Variants in GUCA1C observed in about 807,000 individuals in gnomAD.
GUCA1C encodes the protein guanylate cyclase activator 1C, also known as guanylyl cyclase-activating protein 3.
A neutral mutation model predicts 16.2 loss-of-function variants in GUCA1C; 15 were observed. The ratio of observed to expected loss-of-function variants is 0.93; its 90% confidence interval spans 0.62 to 1.43. The LOEUF (loss-of-function observed/expected upper bound fraction) is 1.43. Among genes scored for constraint, GUCA1C ranks in the 40% most tolerant of loss-of-function variants. The pLI is 0.00. For missense variants in GUCA1C, 275 were observed against 244.8 expected (o/e 1.12, Z -0.82); for synonymous variants, 78 against 85.4 (o/e 0.91, Z 0.48).
intron 2 of GUCA1C, among the ~76,000 whole-genome samples, chr3:108,918,608 T>C (rs1339925954): frequency 6.6e-6 from 1 of 152,168 alleles, no homozygotes; most frequent in Non-Finnish European, 1.5e-5. Flanking sequence ...TTAAAAACCT[T>C]TCTCTTGACT....
intron 1 of GUCA1C, among the ~76,000 whole-genome samples, chr3:108,946,665 T>C (rs1054764035): frequency 6.6e-6 from 1 of 152,118 alleles, no homozygotes; most frequent in Non-Finnish European, 1.5e-5. Context: ...ATAGGTAATA[T>C]GAAGAATCAA....
chr3:108,931,839 C>T (rs1388326268), intron 1 of GUCA1C, among the ~76,000 whole-genome samples: 1 of 149,184 alleles, frequency 6.7e-6, no homozygotes, highest in Non-Finnish European at 1.5e-5. Flanking sequence ...TGGGGTGATC[C>T]AAGGGAACAG....
At chr3:108,952,636 G>GT (rs34262311) in intron 1 of GUCA1C, among the ~76,000 whole-genome samples, 4,862 of 148,880 alleles carry the variant, frequency 0.033, 110 homozygotes, top group Middle Eastern at 0.11. Flanking sequence ...CAAACAACCA[G>GT]TTTTTTTTTT....
At chr3:108,916,317 T>C (rs981633919) in intron 2 of GUCA1C, 103 bp from the exon 3 acceptor site, 28 of 1,050,194 alleles carry the variant, frequency 2.7e-5, no homozygotes, top group Non-Finnish European at 3.4e-5. Context: ...GTGTTGTCGG[T>C]TGCTATCCAA....
chr3:108,940,181 T>C (rs1467687445), intron 1 of GUCA1C, among the ~76,000 whole-genome samples: 1 of 152,254 alleles, frequency 6.6e-6, no homozygotes, highest in Non-Finnish European at 1.5e-5. Flanking sequence ...CTAGTAGCTC[T>C]GAACCCTTAA....
intron 1 of GUCA1C, among the ~76,000 whole-genome samples, chr3:108,930,093 C>T (rs189481272): frequency 2.6e-5 from 4 of 152,274 alleles, no homozygotes; most frequent in Admixed American, 1.3e-4. Context: ...CGTAAATGTT[C>T]AACTGTTTTA....
rs1213562312 is a variant in GUCA1C at position 108,920,434 on chromosome 3, A to G, written c.354+2T>C. On this transcript the variant is annotated splice_donor_variant, in intron 2 of 3. Transcript: ENST00000261047. LOFTEE classifies it high-confidence loss of function. Reference sequence around the variant, plus strand: ...AAAAGGATACTTTACTACTTCACTTACCATGAACATGTCCAGTAGTTCATT... The same window carrying G: ...AAAAGGATACTTTACTACTTCACTTGCCATGAACATGTCCAGTAGTTCATT... 1.2e-6 allele frequency: 2 copies of G among 1,605,866 alleles called. No homozygotes were observed. Among genetic ancestry groups the G allele is most frequent in the South Asian group, 1.1e-5 (1 of 90,736 alleles).
intron 1 of GUCA1C, among the ~76,000 whole-genome samples, chr3:108,942,335 CCTAA>C (rs1404147792): frequency 3.3e-5 from 5 of 152,306 alleles, no homozygotes; most frequent in South Asian, 2.1e-4. Flanking sequence ...GAAAGCCTTT[CCTAA>C]CTAAGTCCAT....
intron 1 of GUCA1C, among the ~76,000 whole-genome samples, chr3:108,940,882 T>A (rs915501053): frequency 1.3e-5 from 2 of 152,212 alleles, no homozygotes; most frequent in Admixed American, 1.3e-4. Flanking sequence ...GTCCCAGTTT[T>A]GGAAATGAAC....
upstream of GUCA1C, chr3:108,953,988 C>T (rs1946925929): frequency 3.7e-6 from 2 of 534,116 alleles, no homozygotes; most frequent in Non-Finnish European, 6.7e-6. Context: ...AACATGCTTA[C>T]AGTCATGCAG....
intron 1 of GUCA1C, among the ~76,000 whole-genome samples, chr3:108,932,924 CAAAAAAAAAA>C (rs57918246): frequency 1.2e-4 from 8 of 68,668 alleles, no homozygotes; most frequent in Non-Finnish European, 2.5e-4. Flanking sequence ...AAAAAAATCT[CAAAAAAAAAA>C]AAAAAAAAAG....
rs1457817424 is a variant in GUCA1C at position 108,953,657 on chromosome 3, T to C, written c.106A>G (p.Thr36Ala). 1.9e-6 allele frequency: 3 copies of C among 1,612,858 alleles called. No homozygotes were observed. Among genetic ancestry groups the C allele is most frequent in the Admixed American group, 3.3e-5 (2 of 60,020 alleles). Reference protein sequence around the residue: ...FMMEYPSGLQTLHEFKTLLGL... With the variant: ...FMMEYPSGLQALHEFKTLLGL... ...AAAAGTGTCTTAAATTCATGTAGTG[T>C]TTGCAGGCCGGATGGATATTCCATC... The change falls in exon 1 of 4, where the codon ACA becomes GCA. Residue 36 changes from threonine to alanine, a missense_variant. Coordinates refer to ENST00000261047, the MANE Select transcript of GUCA1C (RefSeq NM_005459.4).
chr3:108,916,972 C>G (rs891745049), intron 2 of GUCA1C, among the ~76,000 whole-genome samples: 3 of 152,182 alleles, frequency 2.0e-5, no homozygotes, highest in Admixed American at 6.5e-5. Context: ...TTAGAGGACA[C>G]AATCATAAAT....
chr3:108,913,598 A>G (rs1182524585), intron 3 of GUCA1C, among the ~76,000 whole-genome samples: 1 of 152,102 alleles, frequency 6.6e-6, no homozygotes, highest in Admixed American at 6.6e-5. Context: ...TTCTTGATGT[A>G]TGGAATGATC....
chr3:108,913,755 T>A (rs1219882542), intron 3 of GUCA1C, among the ~76,000 whole-genome samples: 1 of 152,142 alleles, frequency 6.6e-6, no homozygotes, highest in Non-Finnish European at 1.5e-5. Flanking sequence ...GATGTGCGTA[T>A]ATTTTTTTTA....
intron 1 of GUCA1C, among the ~76,000 whole-genome samples, chr3:108,939,324 C>CTTTTTTTTTTTTTGTTTTTTTTTTTTT (rs1946761574): frequency 3.0e-5 from 1 of 32,912 alleles, no homozygotes. Flanking sequence ...TGCTTCAAGG[C>CTTTTTTTTTTTTTGTTTTTTTTTTTTT]TTTTTTTTTT....
chr3:108,937,838 C>G (rs555631099), intron 1 of GUCA1C, among the ~76,000 whole-genome samples: 179 of 152,052 alleles, frequency 1.2e-3, no homozygotes, highest in Admixed American at 4.5e-3. Flanking sequence ...TTTGGGAGGC[C>G]GAGGAGGGTG....
chr3:108,939,240 G>C (rs72935312), intron 1 of GUCA1C, among the ~76,000 whole-genome samples: 2 of 150,708 alleles, frequency 1.3e-5, no homozygotes, highest in South Asian at 4.2e-4. Context: ...GAATAGAAGA[G>C]GTGAGTTGAG....
intron 1 of GUCA1C, among the ~76,000 whole-genome samples, chr3:108,948,320 C>G (rs912154273): frequency 6.6e-6 from 1 of 152,172 alleles, no homozygotes; most frequent in Non-Finnish European, 1.5e-5. Context: ...CCTTCGCCCT[C>G]TCTCTCCCGC....
Sources: gnomAD v4.1 joint callset for allele counts (sites outside exome capture counted in the v4.1 genomes callset) on GRCh38, gnomAD v4.1.1 for gene constraint, MANE v1.5 for transcripts, NCBI Gene and HGNC (gene_info 2026-07-23, HGNC 2026-07-21) for gene names.